Variants in RBFOX1 observed in about 807,000 individuals in gnomAD.
The protein encoded by RBFOX1 is RNA binding protein fox-1 homolog 1.
Under a neutral mutation model 57.7 loss-of-function variants are expected in RBFOX1, and 8 were observed. The ratio of observed to expected loss-of-function variants is 0.14; its 90% CI spans 0.08 to 0.25. The LOEUF (loss-of-function observed/expected upper bound fraction) is 0.25. Among genes scored for constraint, RBFOX1 ranks in the 10% least tolerant of loss-of-function variants. RBFOX1 has a pLI of 1.00. For missense variants in RBFOX1, 611 were observed against 548.5 expected (o/e 1.11, Z -1.14); for synonymous variants, 326 against 222.4 (o/e 1.47, Z -4.15).
intron 2 of RBFOX1, among the ~76,000 whole-genome samples, chr16:6,347,601 C>T (rs755960716): frequency 3.3e-5 from 5 of 152,092 alleles, no homozygotes; most frequent in East Asian, 1.9e-4. Context: ...GGGTGAAGGA[C>T]GCAAGAGACG....
At chr16:6,234,877 A>C (rs80271148) in intron 1 of RBFOX1, among the ~76,000 whole-genome samples, 2 of 152,162 alleles carry the variant, frequency 1.3e-5, no homozygotes, top group Non-Finnish European at 2.9e-5. Context: ...TGTAGATTGC[A>C]CTAGTATCGG....
chr16:6,267,491 T>C (rs2074661963), intron 1 of RBFOX1, among the ~76,000 whole-genome samples: 1 of 152,200 alleles, frequency 6.6e-6, no homozygotes, highest in South Asian at 2.1e-4. Flanking sequence ...TATATCCAGT[T>C]GCAATGGAAT....
intron 2 of RBFOX1, among the ~76,000 whole-genome samples, chr16:6,331,873 A>G (rs537636382): frequency 6.6e-6 from 1 of 151,764 alleles, no homozygotes. Flanking sequence ...CTGGTTCCTG[A>G]GTTTGCCTTG....
chr16:5,559,875 C>G (rs975524457), intron 2 of RBFOX1, among the ~76,000 whole-genome samples: 11 of 151,210 alleles, frequency 7.3e-5, no homozygotes, highest in Non-Finnish European at 1.5e-4. Flanking sequence ...TTAACTCTAG[C>G]GTGCTGTACT....
intron 3 of RBFOX1, among the ~76,000 whole-genome samples, chr16:6,818,938 C>T (rs116916748): frequency 7.2e-5 from 11 of 152,210 alleles, no homozygotes; most frequent in Non-Finnish European, 1.3e-4. Flanking sequence ...AGAATGAAGT[C>T]GAAATTTTGG....
At chr16:5,628,508 C>T (rs569793915) in intron 3 of RBFOX1, among the ~76,000 whole-genome samples, 7 of 152,162 alleles carry the variant, frequency 4.6e-5, no homozygotes, top group East Asian at 3.9e-4. Flanking sequence ...AGGGGAAGAA[C>T]GCTTTAGGTC....
intron 2 of RBFOX1, among the ~76,000 whole-genome samples, chr16:6,410,732 T>G (rs535747982): frequency 6.6e-6 from 1 of 152,274 alleles, no homozygotes; most frequent in East Asian, 1.9e-4. Flanking sequence ...GAATTTGTAT[T>G]AACTTCTAGT....
intron 1 of RBFOX1, among the ~76,000 whole-genome samples, chr16:5,272,494 A>G (rs773720988): frequency 3.9e-5 from 6 of 152,182 alleles, no homozygotes; most frequent in Non-Finnish European, 7.4e-5. Context: ...ATTTCTACTG[A>G]GATCAGTGTA....
chr16:5,415,373 C>T (rs2067134785), intron 1 of RBFOX1, among the ~76,000 whole-genome samples: 1 of 152,064 alleles, frequency 6.6e-6, no homozygotes, highest in African/African-American at 2.4e-5. Context: ...AAAACCACCC[C>T]GATGATGCAG....
intron 4 of RBFOX1, among the ~76,000 whole-genome samples, chr16:6,011,748 T>C (rs747170444): frequency 1.8e-4 from 27 of 152,324 alleles, no homozygotes; most frequent in Non-Finnish European, 2.9e-4. Context: ...GCAAAGCTGG[T>C]GACCACTTTT....
At chr16:6,364,878 C>T (rs897726330) in intron 2 of RBFOX1, among the ~76,000 whole-genome samples, 6 of 152,066 alleles carry the variant, frequency 3.9e-5, no homozygotes, top group African/African-American at 1.4e-4. Context: ...AATTCCCATC[C>T]TAGACTGGGC....
At chr16:7,546,798 G>A (rs977676524) in intron 5 of RBFOX1, among the ~76,000 whole-genome samples, 2 of 152,064 alleles carry the variant, frequency 1.3e-5, no homozygotes, top group Non-Finnish European at 2.9e-5. Flanking sequence ...CTTGTAGTTG[G>A]ACACTTAAAT....
At chr16:6,493,425 C>T (rs966419781) in intron 2 of RBFOX1, among the ~76,000 whole-genome samples, 2 of 152,238 alleles carry the variant, frequency 1.3e-5, no homozygotes, top group African/African-American at 2.4e-5. Flanking sequence ...AATCATGATC[C>T]TTATCCTCCC....
chr16:6,966,831 C>G (rs1226722396), intron 3 of RBFOX1, among the ~76,000 whole-genome samples: 1 of 138,734 alleles, frequency 7.2e-6, no homozygotes, highest in Admixed American at 7.0e-5. Flanking sequence ...ATCTATCTGT[C>G]TATCTATCTA....
intron 7 of RBFOX1, among the ~76,000 whole-genome samples, chr16:7,592,380 C>T (rs1388209870): frequency 1.3e-5 from 2 of 152,120 alleles, no homozygotes; most frequent in African/African-American, 2.4e-5. Flanking sequence ...ATGCTGATTT[C>T]GGGGCAGTAG....
chr16:6,892,113 T>G (rs1054966170), intron 3 of RBFOX1, among the ~76,000 whole-genome samples: 4 of 152,142 alleles, frequency 2.6e-5, no homozygotes, highest in Non-Finnish European at 1.5e-5. Flanking sequence ...CGTTGACTCT[T>G]ACCCAAGTCC....
At position 5,599,005 on chromosome 16, in the gene RBFOX1, C is replaced by G. The variant is rs756997932; in HGVS notation, c.362C>G (p.Thr121Ser). The change falls in exon 3 of 3, where the codon ACT (threonine) becomes AGT (serine). Residue 121 changes from threonine (T) to serine (S), a missense_variant. By Grantham distance (58) the Thr-to-Ser change is moderately conservative. Transcript: ENST00000585867. ...CTGAACAGATTAGATTTTGAAACTA[C>G]TTTTGCATCCTTTTCAGCCTCTTTG... 4.9e-6 allele frequency: 7 copies of G among 1,438,088 alleles called. No homozygotes were observed. The South Asian group carries it at 8.5e-5, about 18-fold the overall frequency. The allele number at this position is 1,438,088 out of a possible 1,614,324, so 89.1% of individuals were successfully genotyped here. A position where few individuals can be genotyped will look rare whatever the true frequency, so the allele number is the denominator to read the frequency against.
chr16:7,332,786 G>C, intron 4 of RBFOX1: 1 of 1,393,486 alleles, frequency 7.2e-7, no homozygotes. Flanking sequence ...TGCAGCTGCT[G>C]TGTCTCTTCG....
intron 3 of RBFOX1, among the ~76,000 whole-genome samples, chr16:6,676,344 G>C (rs1375515497): frequency 6.6e-6 from 1 of 152,066 alleles, no homozygotes. Flanking sequence ...ATTTTGGGGA[G>C]TCATGAGCTG....
Sources: allele counts gnomAD v4.1 joint callset (sites outside exome capture counted in the v4.1 genomes callset), GRCh38; gene constraint gnomAD v4.1.1; transcripts MANE v1.5; gene names NCBI Gene and HGNC (gene_info 2026-07-23, HGNC 2026-07-21).